Variants in PDE1C observed in about 807,000 individuals in gnomAD.
The protein encoded by PDE1C is phosphodiesterase 1C, also known as dual specificity calcium/calmodulin-dependent 3',5'-cyclic nucleotide phosphodiesterase 1C.
Under a neutral mutation model 93.1 loss-of-function variants are expected in PDE1C, and 62 were observed. The observed-to-expected ratio is 0.67, with a 90% CI of 0.54 to 0.82. The LOEUF (loss-of-function observed/expected upper bound fraction) is 0.82. Among genes scored for constraint, PDE1C ranks in the 40% least tolerant of loss-of-function variants. The probability of loss-of-function intolerance (pLI) is 0.00; values close to 1 mark genes in which losing one functional copy is unlikely to be tolerated. For missense variants in PDE1C, 742 were observed against 884.6 expected, an observed-to-expected ratio of 0.84 and a Z score of 2.04; for synonymous variants, 325 against 310.1, an observed-to-expected ratio of 1.05 and a Z score of -0.50.
the PDE1C span, among the ~76,000 whole-genome samples, chr7:31,669,012 G>A: frequency 2.7e-5 from 2 of 74,004 alleles, 1 homozygote; most frequent in South Asian, 1.1e-3. Flanking sequence ...GGAAGTAGGG[G>A]CCAGTTCAGC....
chr7:32,319,623 C>A lies in PDE1C; in HGVS notation c.310+108199G>T, dbSNP rs544313946. 1.7e-4 allele frequency among the ~76,000 whole-genome samples: 26 copies of A among 152,336 alleles called. No homozygotes were observed. In the South Asian group the frequency reaches 2.9e-3, roughly 17 times the overall value. ...TTTGCCACAACTCTGTGAGGAGTTACAGTGACTCCCACCTTTCAGGTGGAA... is the reference window on the plus strand; with the variant it reads ...TTTGCCACAACTCTGTGAGGAGTTAAAGTGACTCCCACCTTTCAGGTGGAA... On this transcript the variant is annotated intron_variant, in intron 1 of 1. Coordinates refer to the PDE1C transcript ENST00000672256.
the PDE1C span, among the ~76,000 whole-genome samples, chr7:31,734,638 C>T: frequency 1.3e-5 from 2 of 152,056 alleles, no homozygotes; most frequent in East Asian, 1.9e-4. Flanking sequence ...AAAACTGTTT[C>T]GTGCCCAAGA....
chr7:31,935,629 G>C (rs35542998), intron 2 of PDE1C, among the ~76,000 whole-genome samples: 20,756 of 152,018 alleles, frequency 0.14, 1,636 homozygotes, highest in South Asian at 0.2. Flanking sequence ...CTGGAGACAC[G>C]CATAATAATA....
chr7:32,135,337 A>G (rs990399463), intron 3 of PDE1C, among the ~76,000 whole-genome samples: 1 of 152,202 alleles, frequency 6.6e-6, no homozygotes, highest in African/African-American at 2.4e-5. Context: ...AAAGCAACCT[A>G]CAAAATGAGA....
At chr7:31,756,032 G>A (rs186587026) in intron 17 of PDE1C, among the ~76,000 whole-genome samples, 32 of 152,208 alleles carry the variant, frequency 2.1e-4, no homozygotes, top group South Asian at 2.1e-4. Context: ...TGGGTGTGGT[G>A]GTTGGTGCAA....
At position 31,847,948 on chromosome 7, in the gene PDE1C, C is replaced by G; in HGVS notation, c.980+20G>C. The G allele has an allele frequency of 6.2e-7, 1 of 1,611,722 alleles. No individual in the cohort carries two copies. Among genetic ancestry groups the G allele is most frequent in the South Asian group, 1.1e-5 (1 of 91,038 alleles). ...AGTTCCTTCCCTGGCCTACAAATCT[C>G]TCTCTTTTCTCATCCTTACCTCCAG... On this transcript the variant is annotated intron_variant, in intron 9 of 17. Transcript: ENST00000396191.
rs1783943207 is a variant in PDE1C, at chr7:32,350,550, A to T, written c.310+77272T>A. 2.5e-3 allele frequency among the ~76,000 whole-genome samples: 5 copies of T among 2,004 alleles called. 2 individuals are homozygous for T. The highest frequency in any genetic ancestry group is 6.9e-3 in the Non-Finnish European group (4 of 576). The allele number at this position is 2,004 out of a possible 152,430, so 1.3% of individuals were successfully genotyped here. On this transcript the variant is annotated intron_variant, in intron 1 of 1. Transcript: ENST00000672256. Reference sequence around the variant, plus strand: ...GGTCTATGCATGGCATTTGACTAATATATATATATATATATATATATATAT... The same window carrying T: ...GGTCTATGCATGGCATTTGACTAATTTATATATATATATATATATATATAT...
chr7:31,716,177 G>T, the PDE1C span, among the ~76,000 whole-genome samples: 1 of 152,090 alleles, frequency 6.6e-6, no homozygotes, highest in Non-Finnish European at 1.5e-5. Flanking sequence ...ACATTCAGGG[G>T]CATATAAGTG....
At chr7:32,385,518 G>A (rs1354995415) in intron 1 of PDE1C, among the ~76,000 whole-genome samples, 1 of 152,174 alleles carries the variant, frequency 6.6e-6, no homozygotes, top group Non-Finnish European at 1.5e-5. Flanking sequence ...TCACAAGCAA[G>A]CATGATTGGG....
chr7:32,258,141 G>A (rs1332356199), intron 1 of PDE1C, among the ~76,000 whole-genome samples: 1 of 152,230 alleles, frequency 6.6e-6, no homozygotes, highest in Non-Finnish European at 1.5e-5. Flanking sequence ...TCTGCTCTAA[G>A]AAGGACACTG....
chr7:31,873,359 C>T lies in PDE1C; in HGVS notation c.542G>A (p.Gly181Glu). 2.5e-6 allele frequency: 4 copies of T among 1,613,736 alleles called. No homozygotes were observed. The highest frequency in any genetic ancestry group is 3.4e-6 in the Non-Finnish European group (4 of 1,179,748). ...FDVFSLNEAS[G>E]DHALKFIFYE... Reference sequence around the variant, plus strand: ...GAAAATAAATTTCAGTGCATGATCCCCACTGGCCTCATTGAGGGAAAAGAC... The same window carrying T: ...GAAAATAAATTTCAGTGCATGATCCTCACTGGCCTCATTGAGGGAAAAGAC... Residue 181 changes from glycine to glutamate, a missense_variant, in exon 6 of 18, where the codon GGG becomes GAG. Gly to Glu is a moderately conservative substitution (Grantham distance 98). Coordinates refer to ENST00000396191, the MANE Select transcript of PDE1C (RefSeq NM_001191057.4).
intron 2 of PDE1C, among the ~76,000 whole-genome samples, chr7:31,886,715 T>C (rs554403667): frequency 7.6e-6 from 1 of 132,126 alleles, no homozygotes; most frequent in Admixed American, 7.7e-5. Context: ...GAGGATGGGA[T>C]AGGGAAACGG....
At chr7:31,881,807 T>G (rs1248187478) in intron 2 of PDE1C, among the ~76,000 whole-genome samples, 1 of 151,874 alleles carries the variant, frequency 6.6e-6, no homozygotes, top group Admixed American at 6.6e-5. Context: ...AAAGATTAAA[T>G]GAAATTGATA....
At chr7:31,880,952 T>G in intron 2 of PDE1C, 92 bp from the exon 3 acceptor site, 1 of 779,420 alleles carries the variant, frequency 1.3e-6, no homozygotes, top group Non-Finnish European at 2.2e-6. Context: ...TCATCGAATA[T>G]TCTCACTTAT....
At chr7:31,982,623 C>CA (rs1812541794) in intron 2 of PDE1C, among the ~76,000 whole-genome samples, 1 of 151,412 alleles carries the variant, frequency 6.6e-6, no homozygotes, top group Non-Finnish European at 1.5e-5. Context: ...AAGCCAAAAC[C>CA]AATAGGTTTT....
the PDE1C span, among the ~76,000 whole-genome samples, chr7:31,680,061 T>C: frequency 6.6e-6 from 1 of 152,206 alleles, no homozygotes; most frequent in Admixed American, 6.5e-5. Flanking sequence ...AGGAGCTGCA[T>C]TAGTCAGCAT....
At chr7:31,716,040 A>G in the PDE1C span, among the ~76,000 whole-genome samples, 2 of 152,166 alleles carry the variant, frequency 1.3e-5, no homozygotes, top group African/African-American at 2.4e-5. Flanking sequence ...CTAAGGACCA[A>G]CTGCGTGCCT....
intron 1 of PDE1C, among the ~76,000 whole-genome samples, chr7:32,265,346 C>T (rs1304452563): frequency 6.6e-6 from 1 of 152,148 alleles, no homozygotes; most frequent in East Asian, 1.9e-4. Context: ...CAACTGTCCC[C>T]CAGCCATAGT....
intron 16 of PDE1C, among the ~76,000 whole-genome samples, chr7:31,796,233 CATCAT>C (rs1432394624): frequency 1.3e-5 from 2 of 150,332 alleles, no homozygotes; most frequent in Middle Eastern, 3.5e-3. Flanking sequence ...GTCATATATG[CATCAT>C]ATATCAGATA....
Sources: gnomAD v4.1 joint callset for allele counts (sites outside exome capture counted in the v4.1 genomes callset) on GRCh38, gnomAD v4.1.1 for gene constraint, MANE v1.5 for transcripts, NCBI Gene and HGNC (gene_info 2026-07-23, HGNC 2026-07-21) for gene names.